The following OTOGL variants were observed in gnomAD, a reference collection of about 807,000 sequenced individuals.
OTOGL encodes the protein otogelin like.
Under a neutral mutation model 318.5 loss-of-function variants are expected in OTOGL, and 285 were observed. That is an observed-to-expected ratio of 0.89 (90% CI 0.81 to 0.99). The LOEUF (loss-of-function observed/expected upper bound fraction) is 0.99, where lower values mean the gene tolerates loss of function less well. Among genes scored for constraint, OTOGL ranks in the 50% least tolerant of loss-of-function variants. The probability of loss-of-function intolerance (pLI) is 0.00; values close to 1 mark genes in which losing one functional copy is unlikely to be tolerated. For synonymous variants in OTOGL, 987 were observed against 936.5 expected (o/e 1.05, Z -0.99); for missense variants, 2,899 against 2,845.6 (o/e 1.02, Z -0.43).
chr12:80,312,070 A>G (rs1305846866), intron 30 of OTOGL, among the ~76,000 whole-genome samples: 1 of 152,246 alleles, frequency 6.6e-6, no homozygotes, highest in Non-Finnish European at 1.5e-5. Flanking sequence ...TATAAAGTTA[A>G]TTGATGTGTT....
rs78878617 is a variant in OTOGL at position 80,156,242 on chromosome 12, C to T, written c.-19-53171C>T. Reference sequence around the variant, plus strand: ...AATGACTAGAATGGTTTAGTTTTCTCGTCTACATCTTTCTCCCTTGCTGAA... The same window carrying T: ...AATGACTAGAATGGTTTAGTTTTCTTGTCTACATCTTTCTCCCTTGCTGAA... On this transcript the variant is annotated intron_variant, in intron 1 of 58. Coordinates refer to ENST00000547103, the MANE Select transcript of OTOGL (RefSeq NM_001378609.3). Among the ~76,000 whole-genome samples the T allele has an allele frequency of 1.4e-3, 219 of 152,274 alleles. 3 individuals carry two copies. The East Asian group carries it at 0.028, about 20-fold the overall frequency.
At chr12:80,290,277 A>T (rs548177310) in intron 26 of OTOGL, among the ~76,000 whole-genome samples, 1 of 151,356 alleles carries the variant, frequency 6.6e-6, no homozygotes, top group South Asian at 2.1e-4. Flanking sequence ...GAAATGCAGA[A>T]ATCACCCACC....
At chr12:80,131,474 C>T (rs1871237013) in intron 1 of OTOGL, among the ~76,000 whole-genome samples, 1 of 152,110 alleles carries the variant, frequency 6.6e-6, no homozygotes, top group Non-Finnish European at 1.5e-5. Flanking sequence ...ACAGCCTGTA[C>T]AAAATAATTT....
intron 52 of OTOGL, among the ~76,000 whole-genome samples, chr12:80,361,805 G>A (rs961464448): frequency 6.6e-6 from 1 of 151,960 alleles, no homozygotes; most frequent in African/African-American, 2.4e-5. Context: ...CAGGCCCTTT[G>A]CCCATTTTAA....
At chr12:80,235,582 G>A (rs1369127225) in intron 9 of OTOGL, among the ~76,000 whole-genome samples, 2 of 152,022 alleles carry the variant, frequency 1.3e-5, no homozygotes, top group African/African-American at 4.8e-5. Context: ...GTTAGAGGCA[G>A]GAAGACTTAG....
At chr12:80,149,327 T>C (rs1323386634) in intron 1 of OTOGL, among the ~76,000 whole-genome samples, 2 of 150,616 alleles carry the variant, frequency 1.3e-5, no homozygotes, top group East Asian at 2.0e-4. Flanking sequence ...GAGGTGTCAG[T>C]GTGCCCCTGC....
chr12:80,252,344 A>C, intron 13 of OTOGL, 143 bp downstream of exon 13: 1 of 887,422 alleles, frequency 1.1e-6, no homozygotes, highest in Non-Finnish European at 1.6e-6. Flanking sequence ...TGGTCCTTGA[A>C]GTGACAAGGA....
intron 46 of OTOGL, 34 bp from the exon 47 acceptor site, chr12:80,355,702 T>A: frequency 6.5e-7 from 1 of 1,548,886 alleles, no homozygotes; most frequent in Non-Finnish European, 8.8e-7. Context: ...AGTGCCCAGG[T>A]TTTGAGTGTT....
chr12:80,340,164 T>A (rs1188668556), intron 43 of OTOGL, among the ~76,000 whole-genome samples: 1 of 152,198 alleles, frequency 6.6e-6, no homozygotes, highest in Non-Finnish European at 1.5e-5. Context: ...AGTTTATGGA[T>A]CACCTATTGT....
At chr12:80,335,125 G>T (rs1437267233) in intron 38 of OTOGL, among the ~76,000 whole-genome samples, 1 of 152,100 alleles carries the variant, frequency 6.6e-6, no homozygotes, top group Non-Finnish European at 1.5e-5. Context: ...TGTAATAGGT[G>T]CTAAATAGTT....
Position 80,112,707 on chromosome 12 carries a change from TTC to T in OTOGL, c.-20+13104_-20+13105del, listed in dbSNP as rs1392437399. Among the ~76,000 whole-genome samples the T allele has an allele frequency of 6.8e-5, 10 of 147,588 alleles. 2 individuals carry two copies. Among genetic ancestry groups the T allele is most frequent in the African/African-American group, 7.7e-5 (3 of 39,024 alleles). Reference sequence around the variant, plus strand: ...TAGGGATATTTGCCTGAAATTTTCTTTCTTTTTTTTTTTTTTGTTGTGTCTCT... The same window carrying T: ...TAGGGATATTTGCCTGAAATTTTCTTTTTTTTTTTTTTTTGTTGTGTCTCT... On this transcript the variant is annotated intron_variant, in intron 1 of 58. Transcript: ENST00000547103.
At chr12:80,209,906 A>G (rs942831965) in intron 2 of OTOGL, among the ~76,000 whole-genome samples, 1 of 152,118 alleles carries the variant, frequency 6.6e-6, no homozygotes, top group Non-Finnish European at 1.5e-5. Flanking sequence ...TCTATTTGCA[A>G]TTTAAACATT....
chr12:80,360,208 G>T (rs1419715643), intron 52 of OTOGL, among the ~76,000 whole-genome samples: 1 of 152,080 alleles, frequency 6.6e-6, no homozygotes, highest in Non-Finnish European at 1.5e-5. Context: ...GGCTCAATCA[G>T]TATTAGTTAT....
At chr12:80,184,021 A>G (rs1875113650) in intron 1 of OTOGL, among the ~76,000 whole-genome samples, 1 of 152,226 alleles carries the variant, frequency 6.6e-6, no homozygotes, top group Non-Finnish European at 1.5e-5. Context: ...CTCTTCAAAT[A>G]GGTCCCTTTT....
At chr12:80,286,944 G>C (rs941289903) in intron 26 of OTOGL, among the ~76,000 whole-genome samples, 1 of 151,860 alleles carries the variant, frequency 6.6e-6, no homozygotes, top group African/African-American at 2.4e-5. Flanking sequence ...ATTTGTTTGC[G>C]CTTGCTTCTC....
At chr12:80,210,076 GA>G (rs1203907649) in intron 2 of OTOGL, among the ~76,000 whole-genome samples, 18 of 151,728 alleles carry the variant, frequency 1.2e-4, no homozygotes, top group African/African-American at 4.4e-4. Context: ...CTTGCTATTT[GA>G]TTTTTTTTAT....
At chr12:80,331,869 C>T (rs1047131904) in intron 37 of OTOGL, among the ~76,000 whole-genome samples, 4 of 151,668 alleles carry the variant, frequency 2.6e-5, no homozygotes, top group Admixed American at 1.3e-4. Context: ...AAGAGAGAGG[C>T]AAGAGAGTTG....
chr12:80,207,136 T>C (rs1174905500), intron 1 of OTOGL, among the ~76,000 whole-genome samples: 1 of 152,244 alleles, frequency 6.6e-6, no homozygotes, highest in Admixed American at 6.5e-5. Flanking sequence ...AAAATGTTTA[T>C]TTTATTGAAC....
At chr12:80,193,899 C>G (rs1473763378) in intron 1 of OTOGL, among the ~76,000 whole-genome samples, 1 of 152,188 alleles carries the variant, frequency 6.6e-6, no homozygotes, top group African/African-American at 2.4e-5. Flanking sequence ...TCTGACACAT[C>G]CGCCTCATTT....
Sources: gnomAD v4.1 joint callset for allele counts (sites outside exome capture counted in the v4.1 genomes callset) on GRCh38, gnomAD v4.1.1 for gene constraint, MANE v1.5 for transcripts, NCBI Gene and HGNC (gene_info 2026-07-23, HGNC 2026-07-21) for gene names.